The following PLB1 variants were observed in gnomAD, a reference collection of about 807,000 sequenced individuals.
The protein encoded by PLB1 is phospholipase B1, membrane-associated.
Under a neutral mutation model 227.4 loss-of-function variants are expected in PLB1, and 242 were observed. The observed-to-expected ratio is 1.06, with a 90% CI of 0.96 to 1.18. The LOEUF (loss-of-function observed/expected upper bound fraction) is 1.18. Among genes scored for constraint, PLB1 ranks in the 50% most tolerant of loss-of-function variants. The pLI is 0.00. For missense variants in PLB1, 1,858 were observed against 1,816.3 expected (o/e 1.02, Z -0.42); for synonymous variants, 757 against 682.2 (o/e 1.11, Z -1.71).
intron 31 of PLB1, among the ~76,000 whole-genome samples, chr2:28,592,381 T>C (rs1213586406): frequency 1.3e-5 from 2 of 150,462 alleles, no homozygotes; most frequent in African/African-American, 2.4e-5. Context: ...CTTTCCCTTC[T>C]TCCTTCCCTC....
Position 28,563,063 on chromosome 2 carries a change from C to T in PLB1, c.1170C>T (p.Asp390=), listed in dbSNP as rs556991986. 3.1e-6 allele frequency: 5 copies of T among 1,613,832 alleles called. No homozygotes were observed. The highest frequency in any genetic ancestry group is 4.2e-6 in the Non-Finnish European group (5 of 1,179,876). ...PTSVHRLKPA[D]INVIGALGDS... is the part of the protein sequence containing the mutation. ...TAGTTCATAGGCTGAAGCCGGCTGACATCAACGTAATTGGAGCCCTGGGTG... is the reference window on the plus strand; with the variant it reads ...TAGTTCATAGGCTGAAGCCGGCTGATATCAACGTAATTGGAGCCCTGGGTG... Residue 390 remains aspartate (D), a synonymous_variant, in exon 18 of 58, where the codon GAC becomes GAT. Transcript: ENST00000327757.
chr2:28,565,204 A>C, intron 18 of PLB1, 76 bp from the exon 19 acceptor site: 1 of 1,318,488 alleles, frequency 7.6e-7, no homozygotes, highest in South Asian at 1.3e-5. Context: ...ATAAGAACAT[A>C]GACCTTTTGG....
rs761350557 is a variant in PLB1 at position 28,532,078 on chromosome 2, T to G, written c.469-30T>G. On this transcript the variant is annotated intron_variant, in intron 8 of 57. Transcript: ENST00000327757. Reference sequence around the variant, plus strand: ...TTTGGTTCAAGGTCTTAACACAATCTCCTTTTCATGCTGTTGCCCTTTTAT... The same window carrying G: ...TTTGGTTCAAGGTCTTAACACAATCGCCTTTTCATGCTGTTGCCCTTTTAT... 7 of 1,551,656 alleles carry G rather than the reference T, an allele frequency of 4.5e-6. No individual in the cohort carries two copies. In the South Asian group the frequency reaches 7.9e-5, roughly 17 times the overall value.
intron 8 of PLB1, among the ~76,000 whole-genome samples, chr2:28,531,553 C>T (rs185901952): frequency 3.3e-5 from 5 of 152,234 alleles, no homozygotes; most frequent in East Asian, 1.9e-4. Flanking sequence ...TCAGGTGATC[C>T]GCCCAACTCG....
At chr2:28,559,813 G>A (rs896603905) in intron 17 of PLB1, among the ~76,000 whole-genome samples, 4 of 121,286 alleles carry the variant, frequency 3.3e-5, no homozygotes, top group Admixed American at 1.1e-4. Context: ...TTGCAGTGGC[G>A]CAATCTCGGC....
intron 33 of PLB1, among the ~76,000 whole-genome samples, chr2:28,597,263 C>CAA (rs1553448752): frequency 0.043 from 4,440 of 103,540 alleles, 275 homozygotes; most frequent in African/African-American, 0.14. Flanking sequence ...GACTCCGTCT[C>CAA]GAAAAAAAAA....
chr2:28,632,099 G>A lies in PLB1; in HGVS notation c.3961G>A (p.Val1321Met), dbSNP rs199701473. The change falls in exon 55 of 58, where the codon GTG becomes ATG. Residue 1321 changes from valine to methionine, a missense_variant. Transcript: ENST00000327757. ...ACAGCGTGAGGACTTTGCGGTTGTG[G>A]TGCAGCCTTTCTTCCAAAACACACT... ...YTQREDFAVV[V>M]QPFFQNTLTP... 108 of 1,614,166 alleles carry A rather than the reference G, an allele frequency of 6.7e-5. No individual in the cohort carries two copies. Among genetic ancestry groups the A allele is most frequent in the Non-Finnish European group, 8.6e-5 (101 of 1,180,030 alleles).
chr2:28,531,247 C>A (rs1157193912), intron 8 of PLB1, among the ~76,000 whole-genome samples: 1 of 152,112 alleles, frequency 6.6e-6, no homozygotes, highest in Admixed American at 6.5e-5. Flanking sequence ...GCATATATAT[C>A]TTTATATATT....
chr2:28,618,807 T>A (rs956681889), intron 46 of PLB1, among the ~76,000 whole-genome samples: 4 of 152,226 alleles, frequency 2.6e-5, no homozygotes, highest in African/African-American at 9.6e-5. Flanking sequence ...GGACATGTGC[T>A]TTGGGGCAGA....
chr2:28,622,608 G>A (rs1238182143), intron 49 of PLB1, among the ~76,000 whole-genome samples: 1 of 152,166 alleles, frequency 6.6e-6, no homozygotes, highest in Admixed American at 6.5e-5. Context: ...GATACAAAGG[G>A]CCAGGCATGG....
chr2:28,503,418 T>C (rs1481480266), intron 1 of PLB1, among the ~76,000 whole-genome samples: 1 of 152,152 alleles, frequency 6.6e-6, no homozygotes, highest in Non-Finnish European at 1.5e-5. Context: ...TCTCAAAGTG[T>C]TGGGATTACA....
In PLB1 at chr2:28,591,698, A is replaced by G; in HGVS notation, c.2128-2A>G. 1 of 1,613,900 alleles carries G rather than the reference A, an allele frequency of 6.2e-7. No individual in the cohort carries two copies. Among genetic ancestry groups the G allele is most frequent in the Non-Finnish European group, 8.5e-7 (1 of 1,179,910 alleles). On this transcript the variant is annotated splice_acceptor_variant, in intron 30 of 57. Transcript: ENST00000327757. LOFTEE classifies it high-confidence loss of function. ...ATTCTGGGATTTGTTCTATGCCCTT[A>G]GGGTCATGGGACCTGGCTGCCATGC...
At chr2:28,525,424 G>T (rs1670110265) in intron 5 of PLB1, 117 bp downstream of exon 5, 31 of 1,143,946 alleles carry the variant, frequency 2.7e-5, no homozygotes, top group Non-Finnish European at 3.8e-5. Flanking sequence ...CTTGCTCAAG[G>T]CTACCCTCTG....
intron 23 of PLB1, among the ~76,000 whole-genome samples, chr2:28,581,181 A>G (rs1179629562): frequency 6.6e-6 from 1 of 152,138 alleles, no homozygotes; most frequent in East Asian, 1.9e-4. Flanking sequence ...CGAGATCAGG[A>G]GAAACAGTTA....
intron 43 of PLB1, among the ~76,000 whole-genome samples, chr2:28,611,241 T>A (rs749943839): frequency 2.0e-5 from 3 of 152,200 alleles, no homozygotes; most frequent in Non-Finnish European, 4.4e-5. Flanking sequence ...GCCCTCTAGC[T>A]CTGCCTCCCT....
At chr2:28,594,158 GCCTT>G in intron 33 of PLB1, 1 of 470,436 alleles carries the variant, frequency 2.1e-6, no homozygotes, top group Admixed American at 2.5e-5. Context: ...TCACACAGCT[GCCTT>G]TACATATATG....
chr2:28,625,915 G>A lies in PLB1; in HGVS notation c.3580-513G>A, dbSNP rs549314355. Among the ~76,000 whole-genome samples the A allele has an allele frequency of 2.5e-3, 363 of 142,576 alleles. 2 individuals carry two copies. Among genetic ancestry groups the A allele is most frequent in the African/African-American group, 8.4e-3 (322 of 38,406 alleles). 93.5% of individuals were successfully genotyped at this position (142,576 alleles called of 152,430 possible). A position where few individuals can be genotyped will look rare whatever the true frequency, so the allele number is the denominator to read the frequency against. ...ACCCCGTCCCCCGCCAGCGCCCACC[G>A]CCAAAAAAAAAAAACATCCTCTCTG... On this transcript the variant is annotated intron_variant, in intron 50 of 57. Transcript: ENST00000327757.
At chr2:28,613,871 C>G (rs771323753) in intron 43 of PLB1, among the ~76,000 whole-genome samples, 160 bp from the exon 44 acceptor site, 2 of 152,176 alleles carry the variant, frequency 1.3e-5, no homozygotes, top group Non-Finnish European at 1.5e-5. Context: ...GTAAAACCCT[C>G]CGGGGGAATG....
intron 56 of PLB1, among the ~76,000 whole-genome samples, chr2:28,635,229 C>A (rs1052516131): frequency 2.0e-5 from 3 of 152,190 alleles, no homozygotes; most frequent in Non-Finnish European, 2.9e-5. Context: ...CTAATGTTTT[C>A]ATCCAAAGCC....
Sources: gnomAD v4.1 joint callset for allele counts (sites outside exome capture counted in the v4.1 genomes callset) on GRCh38, gnomAD v4.1.1 for gene constraint, MANE v1.5 for transcripts, NCBI Gene and HGNC (gene_info 2026-07-23, HGNC 2026-07-21) for gene names.